NFIB: variants seen among roughly 807,000 people sequenced by gnomAD.
NFIB encodes nuclear factor I B.
NFIB carries 11 observed loss-of-function variants against 61.5 expected under a neutral mutation model. That is an observed-to-expected ratio of 0.18 (90% CI 0.11 to 0.30). The LOEUF is 0.30. Among genes scored for constraint, NFIB ranks in the 10% least tolerant of loss-of-function variants. NFIB has a pLI of 1.00. For missense variants in NFIB, 471 were observed against 608.9 expected, an observed-to-expected ratio of 0.77 and a Z score of 2.38; for synonymous variants, 260 against 216.5, an observed-to-expected ratio of 1.20 and a Z score of -1.76.
intron 2 of NFIB, among the ~76,000 whole-genome samples, chr9:14,282,376 C>T (rs970832735): frequency 5.3e-5 from 8 of 151,920 alleles, no homozygotes; most frequent in African/African-American, 1.7e-4. Context: ...GATAAAAAAT[C>T]GTATTGTGTT....
the NFIB span, among the ~76,000 whole-genome samples, chr9:14,507,950 A>G: frequency 7.7e-6 from 1 of 129,334 alleles, no homozygotes; most frequent in Non-Finnish European, 1.7e-5. Flanking sequence ...ACACACACAG[A>G]CACAGACACA....
chr9:14,285,846 G>A (rs542885986), intron 2 of NFIB, among the ~76,000 whole-genome samples: 98 of 152,314 alleles, frequency 6.4e-4, no homozygotes, highest in African/African-American at 2.3e-3. Context: ...AGGTCACTAT[G>A]TAAAGCCTTA....
chr9:14,505,042 G>C, the NFIB span, among the ~76,000 whole-genome samples: 1 of 152,154 alleles, frequency 6.6e-6, no homozygotes, highest in African/African-American at 2.4e-5. Context: ...AATCATAAAG[G>C]GACGCTGGAT....
intron 1 of NFIB, chr9:14,322,247 C>T: frequency 1.6e-6 from 1 of 614,380 alleles, no homozygotes; most frequent in African/African-American, 1.9e-5. Flanking sequence ...TCTTTCCTCT[C>T]CCTTGCAGAA....
intron 2 of NFIB, among the ~76,000 whole-genome samples, chr9:14,248,611 G>A (rs2055211421): frequency 6.6e-6 from 1 of 151,890 alleles, no homozygotes; most frequent in Non-Finnish European, 1.5e-5. Flanking sequence ...TTTTCCTCTG[G>A]GAAGCCACTC....
At chr9:14,359,024 A>G (rs934133616) in intron 1 of NFIB, among the ~76,000 whole-genome samples, 1 of 152,194 alleles carries the variant, frequency 6.6e-6, no homozygotes, top group South Asian at 2.1e-4. Flanking sequence ...GCTGCTATAC[A>G]TCTCTTCCCA....
At chr9:14,477,694 G>T in the NFIB span, among the ~76,000 whole-genome samples, 101,793 of 152,014 alleles carry the variant, frequency 0.67, 35,554 homozygotes, top group African/African-American at 0.88. Context: ...TGAAATGAAA[G>T]TATACAAATA....
At chr9:14,252,183 G>C (rs56842747) in intron 2 of NFIB, among the ~76,000 whole-genome samples, 12,083 of 152,156 alleles carry the variant, frequency 0.079, 678 homozygotes, top group East Asian at 0.25. Context: ...TCCTCCAGAA[G>C]AAAATACAAA....
chr9:14,280,953 T>C, intron 2 of NFIB, among the ~76,000 whole-genome samples: 1 of 152,256 alleles, frequency 6.6e-6, no homozygotes, highest in South Asian at 2.1e-4. Flanking sequence ...CTACAATACT[T>C]CATATGCAAA....
At chr9:14,411,316 C>T in the NFIB span, among the ~76,000 whole-genome samples, 4 of 152,306 alleles carry the variant, frequency 2.6e-5, no homozygotes, top group Admixed American at 2.6e-4. Flanking sequence ...AATAATGATA[C>T]AAATCCGGTA....
chr9:14,459,176 C>A, the NFIB span, among the ~76,000 whole-genome samples: 5 of 152,044 alleles, frequency 3.3e-5, no homozygotes, highest in African/African-American at 1.2e-4. Flanking sequence ...GAGATATAGA[C>A]CAATGGAACA....
At chr9:14,477,582 G>C in the NFIB span, among the ~76,000 whole-genome samples, 1 of 152,188 alleles carries the variant, frequency 6.6e-6, no homozygotes, top group South Asian at 2.1e-4. Context: ...GATTCATTTG[G>C]TGGTATATTG....
Position 14,082,770 on chromosome 9 carries a change from T to TAAAAAAAAAAAAAAAAA in NFIB, c.*5538_*5539insTTTTTTTTTTTTTTTTT. On this transcript the variant is annotated 3_prime_UTR_variant, in exon 11 of 11. Transcript: ENST00000380953. ...AGGATGCATAAAAAGCCATACTTCT[T>TAAAAAAAAAAAAAAAAA]AAAAAAAAAAAAAAGAAAAAAAAAG... 1 of 149,832 alleles carries TAAAAAAAAAAAAAAAAA rather than the reference T, an allele frequency of 6.7e-6. No individual in the cohort carries two copies. Among genetic ancestry groups the TAAAAAAAAAAAAAAAAA allele is most frequent in the Non-Finnish European group, 1.4e-5 (1 of 71,822 alleles). 9.3% of individuals were successfully genotyped at this position (149,832 alleles called of 1,614,324 possible).
chr9:14,107,086 A>G (rs2036667447), intron 10 of NFIB, among the ~76,000 whole-genome samples: 2 of 152,010 alleles, frequency 1.3e-5, no homozygotes, highest in South Asian at 4.2e-4. Flanking sequence ...CAGATTTTTA[A>G]GGGGTGAAGG....
chr9:14,204,322 G>C, intron 2 of NFIB: 2 of 735,416 alleles, frequency 2.7e-6, no homozygotes, highest in South Asian at 3.0e-5. Flanking sequence ...AGGAGGCCAA[G>C]AAAGTGGTCA....
chr9:14,276,696 A>C (rs144951545), intron 2 of NFIB, among the ~76,000 whole-genome samples: 3 of 152,222 alleles, frequency 2.0e-5, no homozygotes, highest in African/African-American at 4.8e-5. Context: ...TTTAAATAAA[A>C]TACTACACAT....
chr9:14,498,591 T>C, the NFIB span, among the ~76,000 whole-genome samples: 56 of 152,082 alleles, frequency 3.7e-4, no homozygotes, highest in Admixed American at 9.2e-4. Context: ...ATGCAGATCA[T>C]TGGTGTACAG....
chr9:14,403,343 G>A (rs1300801643), upstream of NFIB, among the ~76,000 whole-genome samples: 1 of 152,208 alleles, frequency 6.6e-6, no homozygotes, highest in East Asian at 1.9e-4. Context: ...TCTGTGCCAG[G>A]TGGCCATGCT....
At chr9:14,432,996 A>C in the NFIB span, among the ~76,000 whole-genome samples, 14 of 152,356 alleles carry the variant, frequency 9.2e-5, no homozygotes, top group East Asian at 2.7e-3. Flanking sequence ...TTAGTATTAC[A>C]TAAATAACAA....
Sources: allele counts gnomAD v4.1 joint callset (sites outside exome capture counted in the v4.1 genomes callset), GRCh38; gene constraint gnomAD v4.1.1; transcripts MANE v1.5; gene names NCBI Gene and HGNC (gene_info 2026-07-23, HGNC 2026-07-21).